ZBTB7C: variants seen among roughly 807,000 people sequenced by gnomAD.
ZBTB7C encodes zinc finger and BTB domain containing 7C.
ZBTB7C carries 8 observed loss-of-function variants against 25.7 expected under a neutral mutation model. The ratio of observed to expected loss-of-function variants is 0.31; its 90% CI spans 0.18 to 0.56. ZBTB7C has a LOEUF of 0.56. Ranked by LOEUF, ZBTB7C falls within the 20% of genes least tolerant of loss-of-function variation. The pLI, the probability that ZBTB7C is intolerant of heterozygous loss-of-function variation, is 0.91. For missense variants in ZBTB7C, 824 were observed against 855.2 expected, an observed-to-expected ratio of 0.96 and a Z score of 0.46; for synonymous variants, 394 against 369.0, an observed-to-expected ratio of 1.07 and a Z score of -0.78.
intron 3 of ZBTB7C, among the ~76,000 whole-genome samples, chr18:48,151,874 T>C (rs563719397): frequency 1.3e-5 from 2 of 152,308 alleles, no homozygotes; most frequent in South Asian, 2.1e-4. Flanking sequence ...ATCAGTCAGA[T>C]GTCATTCCAT....
chr18:48,189,527 G>A (rs529723525), intron 2 of ZBTB7C, among the ~76,000 whole-genome samples: 187 of 152,246 alleles, frequency 1.2e-3, no homozygotes, highest in Non-Finnish European at 2.2e-3. Context: ...TGGTCTCAAA[G>A]GTTCTTCCAA....
intron 1 of ZBTB7C, among the ~76,000 whole-genome samples, chr18:48,393,423 C>A (rs1053965012): frequency 6.6e-6 from 1 of 152,094 alleles, no homozygotes; most frequent in African/African-American, 2.4e-5. Flanking sequence ...CACCAACACC[C>A]TCTCTCCCTG....
In ZBTB7C at chr18:48,326,167, C is replaced by G. The variant is rs560183894; in HGVS notation, c.-79+12007G>C. ...CTGGAGTGCAGTGGCACAATCCTGG[C>G]TCACTGCAACCTCCACCTCCTGGGT... On this transcript the variant is annotated intron_variant, in intron 2 of 4. Coordinates refer to ENST00000590800, the MANE Select transcript of ZBTB7C (RefSeq NM_001318841.2). Among the ~76,000 whole-genome samples, 34 of 145,996 alleles carry G rather than the reference C, an allele frequency of 2.3e-4. 2 individuals are homozygous for G. The South Asian group carries it at 7.4e-3, about 32-fold the overall frequency.
At chr18:48,309,104 GA>G (rs1430119484) in intron 2 of ZBTB7C, among the ~76,000 whole-genome samples, 2 of 152,138 alleles carry the variant, frequency 1.3e-5, no homozygotes, top group African/African-American at 2.4e-5. Flanking sequence ...GGAGATGAGG[GA>G]AAGAAAAAGA....
chr18:48,081,449 CTTTTT>C (rs1568202824), intron 3 of ZBTB7C, among the ~76,000 whole-genome samples: 1 of 137,712 alleles, frequency 7.3e-6, no homozygotes, highest in Non-Finnish European at 1.7e-5. Flanking sequence ...TTTTCTTTTT[CTTTTT>C]CTTTTTCTTT....
At chr18:48,125,918 C>T (rs1260235026) in intron 3 of ZBTB7C, among the ~76,000 whole-genome samples, 1 of 152,142 alleles carries the variant, frequency 6.6e-6, no homozygotes, top group East Asian at 1.9e-4. Context: ...GTGCTTTGGG[C>T]AAGTGATCCT....
chr18:48,260,417 T>C (rs1413162063), intron 2 of ZBTB7C, among the ~76,000 whole-genome samples: 2 of 152,202 alleles, frequency 1.3e-5, no homozygotes, highest in African/African-American at 4.8e-5. Context: ...GTCTATTATT[T>C]TGATGTGGTG....
chr18:48,084,160 G>A (rs912907396), intron 3 of ZBTB7C, among the ~76,000 whole-genome samples: 1 of 152,144 alleles, frequency 6.6e-6, no homozygotes, highest in East Asian at 1.9e-4. Flanking sequence ...TCCTAGCCCC[G>A]GAGCAACTAA....
At chr18:48,080,699 C>T (rs898571707) in intron 3 of ZBTB7C, among the ~76,000 whole-genome samples, 2 of 152,200 alleles carry the variant, frequency 1.3e-5, no homozygotes, top group African/African-American at 4.8e-5. Context: ...TGTCCTGACA[C>T]CAGCCACTGT....
At chr18:48,227,655 T>C (rs2043139289) in intron 2 of ZBTB7C, among the ~76,000 whole-genome samples, 1 of 152,236 alleles carries the variant, frequency 6.6e-6, no homozygotes, top group Admixed American at 6.5e-5. Flanking sequence ...GTTTTGCTAA[T>C]TCTTTCAGGT....
chr18:48,282,157 T>C (rs1282658515), intron 2 of ZBTB7C, among the ~76,000 whole-genome samples: 5 of 150,982 alleles, frequency 3.3e-5, no homozygotes, highest in Non-Finnish European at 7.4e-5. Context: ...TCATGTCCTC[T>C]GTAGGGACAT....
chr18:48,174,617 T>C (rs2041608246), intron 3 of ZBTB7C, among the ~76,000 whole-genome samples: 1 of 152,218 alleles, frequency 6.6e-6, no homozygotes, highest in African/African-American at 2.4e-5. Context: ...TTGCAGAATA[T>C]GAGAAGCTAC....
At chr18:48,226,220 G>C (rs924394004) in intron 2 of ZBTB7C, among the ~76,000 whole-genome samples, 1 of 152,164 alleles carries the variant, frequency 6.6e-6, no homozygotes, top group Non-Finnish European at 1.5e-5. Flanking sequence ...ACTAAGTTTG[G>C]GGGCTATTTA....
chr18:48,288,218 C>G (rs1056272410), intron 2 of ZBTB7C, among the ~76,000 whole-genome samples: 2 of 152,172 alleles, frequency 1.3e-5, no homozygotes, highest in Non-Finnish European at 2.9e-5. Flanking sequence ...TTACAGTGGA[C>G]TGAATGTTTA....
intron 3 of ZBTB7C, among the ~76,000 whole-genome samples, chr18:48,120,333 G>A (rs2039586931): frequency 6.6e-6 from 1 of 152,118 alleles, no homozygotes; most frequent in Non-Finnish European, 1.5e-5. Context: ...CGAAAGAAGT[G>A]GTCAGGTAAT....
At chr18:48,404,125 G>A (rs1599054289) in intron 1 of ZBTB7C, among the ~76,000 whole-genome samples, 2 of 152,254 alleles carry the variant, frequency 1.3e-5, no homozygotes, top group South Asian at 2.1e-4. Flanking sequence ...TGGCGGGGCC[G>A]CCTATAATCC....
intron 2 of ZBTB7C, among the ~76,000 whole-genome samples, chr18:48,272,141 G>A (rs2044512162): frequency 6.6e-6 from 1 of 152,250 alleles, no homozygotes; most frequent in Non-Finnish European, 1.5e-5. Flanking sequence ...GGTGTGTCAT[G>A]TGTGTCTGTA....
intron 1 of ZBTB7C, among the ~76,000 whole-genome samples, chr18:48,385,818 A>G (rs2047733942): frequency 6.6e-6 from 1 of 152,160 alleles, no homozygotes; most frequent in South Asian, 2.1e-4. Flanking sequence ...AGCCCACACG[A>G]CGTGCTGCTG....
intron 1 of ZBTB7C, among the ~76,000 whole-genome samples, chr18:48,370,857 C>A (rs1033228185): frequency 1.3e-5 from 2 of 152,124 alleles, no homozygotes; most frequent in South Asian, 2.1e-4. Context: ...AGAGAAAGCA[C>A]CTTTGAGATC....
Sources: allele counts gnomAD v4.1 joint callset (sites outside exome capture counted in the v4.1 genomes callset), GRCh38; gene constraint gnomAD v4.1.1; transcripts MANE v1.5; gene names NCBI Gene and HGNC (gene_info 2026-07-23, HGNC 2026-07-21).